CHD1L: variants seen among roughly 807,000 people sequenced by gnomAD.
CHD1L encodes the protein ATP-dependent chromatin remodeler CHD1L.
In CHD1L, 118 loss-of-function variants were observed where a neutral mutation model predicts 115.9. That is an observed-to-expected ratio of 1.02 (90% CI 0.88 to 1.19). The LOEUF is 1.19. Ranked by LOEUF, CHD1L falls within the 50% of genes most tolerant of loss-of-function variation. CHD1L has a pLI of 0.00. For synonymous variants in CHD1L, 411 were observed against 387.1 expected, an observed-to-expected ratio of 1.06 and a Z score of -0.72; for missense variants, 1,179 against 1,065.3, an observed-to-expected ratio of 1.11 and a Z score of -1.49.
chr1:147,216,087 C>A, the CHD1L span: 1 of 594,996 alleles, frequency 1.7e-6, no homozygotes, highest in Non-Finnish European at 2.9e-6. Flanking sequence ...TTATGTAGTC[C>A]CTTCCCCTTG....
chr1:147,266,066 G>A lies in CHD1L; in HGVS notation c.874G>A (p.Ala292Thr), dbSNP rs1262381281. ...MSALQKKYYK[A>T]ILMKDLDAFE... ...AGCATTGCAGAAGAAATACTACAAG[G>A]CCATTTTGATGAAAGACCTAGGTAA... The change falls in exon 8 of 23, where the codon GCC becomes ACC. Residue 292 changes from alanine (A) to threonine (T), a missense_variant. Coordinates refer to ENST00000369258, the MANE Select transcript of CHD1L (RefSeq NM_004284.6). The A allele has an allele frequency of 1.9e-6, 3 of 1,611,096 alleles. No individual in the cohort carries two copies. The African/African-American group carries it at 4.0e-5, about 22-fold the overall frequency.
the CHD1L span, among the ~76,000 whole-genome samples, chr1:147,207,279 A>G: frequency 6.6e-6 from 1 of 152,182 alleles, no homozygotes; most frequent in Non-Finnish European, 1.5e-5. Flanking sequence ...ATCTACAGAG[A>G]TGGGGAAAGG....
At chr1:147,287,967 AG>A (rs1683912172) in intron 19 of CHD1L, among the ~76,000 whole-genome samples, 1 of 152,042 alleles carries the variant, frequency 6.6e-6, no homozygotes, top group African/African-American at 2.4e-5. Flanking sequence ...CCTACTTCAT[AG>A]AACTGTAGTA....
chr1:147,204,724 G>A, the CHD1L span: 2 of 1,504,162 alleles, frequency 1.3e-6, no homozygotes, highest in Middle Eastern at 1.8e-4. Context: ...TAAAATAGTC[G>A]CTGCATCATT....
At chr1:147,264,710 C>G (rs1244102928) in intron 7 of CHD1L, 126 bp downstream of exon 7, 1 of 907,434 alleles carries the variant, frequency 1.1e-6, no homozygotes, top group South Asian at 1.8e-5. Context: ...GGAGACAGAC[C>G]GCTGATATTA....
At chr1:147,277,081 AGGTTT>A (rs1678774727) in intron 14 of CHD1L, among the ~76,000 whole-genome samples, 1 of 152,182 alleles carries the variant, frequency 6.6e-6, no homozygotes, top group Admixed American at 6.5e-5. Flanking sequence ...GATGGCTGTG[AGGTTT>A]TAGGCCCCTA....
chr1:147,292,475 A>G (rs930504374), intron 20 of CHD1L, among the ~76,000 whole-genome samples: 1 of 152,208 alleles, frequency 6.6e-6, no homozygotes, highest in Non-Finnish European at 1.5e-5. Context: ...TCAGGCCAAA[A>G]GAGAGGCTCA....
intron 19 of CHD1L, among the ~76,000 whole-genome samples, chr1:147,288,111 G>A (rs1403645331): frequency 1.3e-5 from 2 of 151,950 alleles, no homozygotes; most frequent in East Asian, 3.9e-4. Flanking sequence ...GATTGCTTGA[G>A]GCCAGGAGTT....
chr1:147,242,678 C>T, upstream of CHD1L: 1 of 1,264,754 alleles, frequency 7.9e-7, no homozygotes, highest in Non-Finnish European at 1.0e-6. Flanking sequence ...CGCTTGGCCG[C>T]GCGGGGCGGG....
At chr1:147,225,303 C>T in the CHD1L span, 5 of 610,854 alleles carry the variant, frequency 8.2e-6, 1 homozygote, top group Non-Finnish European at 1.3e-5. Context: ...TCCTGAAGCG[C>T]TCAACAGATC....
At chr1:147,229,292 G>C in the CHD1L span, among the ~76,000 whole-genome samples, 7 of 152,014 alleles carry the variant, frequency 4.6e-5, no homozygotes, top group Admixed American at 2.0e-4. Context: ...TTGTTTTTGT[G>C]AGGTTTGTCA....
Position 147,270,962 on chromosome 1 carries a change from G to T in CHD1L, c.1116G>T (p.Met372Ile). The change falls in exon 11 of 23, where the codon ATG (methionine) becomes ATT (isoleucine). Residue 372 changes from methionine to isoleucine, a missense_variant. Transcript: ENST00000369258. ...ATCGGGTTTTACTTTTCTCCCAAAT[G>T]ACCCAGATGTTGGATATTCTCCAAG... ...GGHRVLLFSQ[M>I]TQMLDILQDY... The T allele has an allele frequency of 6.2e-7, 1 of 1,613,960 alleles. No individual in the cohort carries two copies. The highest frequency in any genetic ancestry group is 1.1e-5 in the South Asian group (1 of 91,044).
the CHD1L span, among the ~76,000 whole-genome samples, chr1:147,227,721 CT>C: frequency 6.6e-6 from 1 of 152,120 alleles, no homozygotes; most frequent in East Asian, 1.9e-4. Context: ...ACATATGAGG[CT>C]TTTGAAGGAG....
At chr1:147,234,396 AC>A in the CHD1L span, among the ~76,000 whole-genome samples, 1 of 152,194 alleles carries the variant, frequency 6.6e-6, no homozygotes, top group Admixed American at 6.5e-5. Context: ...GTACTTTGTT[AC>A]CCAGAGAGGA....
intron 15 of CHD1L, among the ~76,000 whole-genome samples, chr1:147,283,382 A>G (rs1397748586): frequency 1.3e-5 from 2 of 152,230 alleles, no homozygotes; most frequent in Non-Finnish European, 2.9e-5. Context: ...AAAATATATT[A>G]TTTGGTAACA....
the CHD1L span, chr1:147,203,447 T>A: frequency 2.4e-6 from 2 of 835,220 alleles, no homozygotes; most frequent in Non-Finnish European, 4.3e-6. Flanking sequence ...GCTTCCAACA[T>A]GTCCGTTACA....
the CHD1L span, among the ~76,000 whole-genome samples, chr1:147,182,926 G>A: frequency 1.3e-5 from 2 of 152,300 alleles, no homozygotes; most frequent in African/African-American, 4.8e-5. Flanking sequence ...CAGGCCGGGC[G>A]TGGTGGCTCA....
At chr1:147,252,492 C>A in intron 1 of CHD1L, 131 bp from the exon 2 acceptor site, 1 of 627,328 alleles carries the variant, frequency 1.6e-6, no homozygotes, top group Non-Finnish European at 2.7e-6. Flanking sequence ...AACTCCTCAG[C>A]AAAAGATACG....
the CHD1L span, among the ~76,000 whole-genome samples, chr1:147,218,258 A>AT: frequency 6.7e-6 from 1 of 149,730 alleles, no homozygotes; most frequent in Admixed American, 6.6e-5. Flanking sequence ...TTTTTTTGAG[A>AT]TGGAGTCTCA....
Sources: gnomAD v4.1 joint callset for allele counts (sites outside exome capture counted in the v4.1 genomes callset) on GRCh38, gnomAD v4.1.1 for gene constraint, MANE v1.5 for transcripts, NCBI Gene and HGNC (gene_info 2026-07-23, HGNC 2026-07-21) for gene names.